PKP1: variants seen among roughly 807,000 people sequenced by gnomAD.
The protein encoded by PKP1 is plakophilin-1.
Under a neutral mutation model 76.4 loss-of-function variants are expected in PKP1, and 27 were observed. That is an observed-to-expected ratio of 0.35 (90% CI 0.26 to 0.49). The LOEUF is 0.49. Among genes scored for constraint, PKP1 ranks in the 20% least tolerant of loss-of-function variants. The probability of loss-of-function intolerance (pLI) is 0.99; values close to 1 mark genes in which losing one functional copy is unlikely to be tolerated. For synonymous variants in PKP1, 404 were observed against 384.2 expected, an observed-to-expected ratio of 1.05 and a Z score of -0.60; for missense variants, 964 against 955.2, an observed-to-expected ratio of 1.01 and a Z score of -0.12.
At chr1:201,319,877 G>A (rs147220754) in intron 6 of PKP1, 2 of 1,614,072 alleles carry the variant, frequency 1.2e-6, no homozygotes, top group African/African-American at 1.3e-5. Context: ...TAGTAGCAGG[G>A]TGTGAGCCTT....
At chr1:201,308,117 C>T (rs545076244) in intron 2 of PKP1, among the ~76,000 whole-genome samples, 1 of 152,358 alleles carries the variant, frequency 6.6e-6, no homozygotes, top group South Asian at 2.1e-4. Context: ...TCTCTGGGCT[C>T]AACCACCCAG....
chr1:201,331,441 GT>G lies in PKP1; in HGVS notation c.*1401del, dbSNP rs1480952541. ...CCGAGGGCCTTATGAGAAAACCTGTGTGGACATCCCTTGGTGTACACTAAGA... is the reference window on the plus strand; with the variant it reads ...CCGAGGGCCTTATGAGAAAACCTGTGGGACATCCCTTGGTGTACACTAAGA... On this transcript the variant is annotated 3_prime_UTR_variant, in exon 14 of 14. Coordinates refer to ENST00000367324, the MANE Select transcript of PKP1 (RefSeq NM_001005337.3). The G allele has an allele frequency of 6.6e-6, 1 of 152,442 alleles. No individual in the cohort carries two copies. Among genetic ancestry groups the G allele is most frequent in the Non-Finnish European group, 1.5e-5 (1 of 68,238 alleles). The allele number at this position is 152,442 out of a possible 1,614,324, so 9.4% of individuals were successfully genotyped here. A position where few individuals can be genotyped will look rare whatever the true frequency, so the allele number is the denominator to read the frequency against.
intron 1 of PKP1, among the ~76,000 whole-genome samples, chr1:201,286,625 C>T (rs927999717): frequency 2.6e-5 from 4 of 152,190 alleles, no homozygotes; most frequent in Admixed American, 2.0e-4. Flanking sequence ...ATGAAGGCCC[C>T]GGGCAGGAAG....
intron 2 of PKP1, among the ~76,000 whole-genome samples, chr1:201,312,151 T>C (rs2102172176): frequency 6.6e-6 from 1 of 152,326 alleles, no homozygotes; most frequent in South Asian, 2.1e-4. Flanking sequence ...GGCCCCTAGC[T>C]CACAGTCCCT....
chr1:201,290,656 A>G (rs1655890751), intron 1 of PKP1, among the ~76,000 whole-genome samples: 1 of 152,168 alleles, frequency 6.6e-6, no homozygotes, highest in East Asian at 1.9e-4. Context: ...GAGCACGTTC[A>G]CCACAAGGGT....
intron 13 of PKP1, 46 bp downstream of exon 13, chr1:201,328,914 C>A: frequency 8.9e-7 from 1 of 1,121,852 alleles, no homozygotes; most frequent in Non-Finnish European, 1.4e-6. Flanking sequence ...ACCACTGCAA[C>A]AGCCTCAGCC....
rs748173315 is a variant in PKP1, at chr1:201,313,402, G to A, written c.543G>A (p.Gln181=). 1.0e-4 allele frequency: 166 copies of A among 1,586,206 alleles called. 1 individual carries two copies. The African/African-American group carries it at 1.8e-3, about 17-fold the overall frequency. The part of the protein sequence containing the change: ...TLGSKGQKTT[Q]NRYSFYSTCS... ...GCAGCAAGGGCCAGAAGACCACCCA[G>A]AACCGCTACAGCTTTTACAGCACCT... The change falls in exon 3 of 14, where the codon CAG becomes CAA. Residue 181 remains glutamine, a synonymous_variant. Coordinates refer to ENST00000367324, the MANE Select transcript of PKP1 (RefSeq NM_001005337.3).
chr1:201,319,348 G>T (rs966481987), intron 6 of PKP1, among the ~76,000 whole-genome samples: 1 of 152,182 alleles, frequency 6.6e-6, no homozygotes, highest in Non-Finnish European at 1.5e-5. Context: ...AAATGGGTGG[G>T]TGTGGAGGGG....
Position 201,317,691 on chromosome 1 carries a change from G to A in PKP1, c.966G>A (p.Lys322=). ...TGGTGTTCAGGAGCACCACCAACAA[G>A]CTGGAGACCCGGAGGCAGAATGGGA... ...RNLVFRSTTN[K]LETRRQNGIR... The change falls in exon 5 of 14, where the codon AAG becomes AAA. Residue 322 remains lysine (K), a synonymous_variant. Transcript: ENST00000367324. 1 of 1,614,030 alleles carries A rather than the reference G, an allele frequency of 6.2e-7. No individual in the cohort carries two copies. Among genetic ancestry groups the A allele is most frequent in the Non-Finnish European group, 8.5e-7 (1 of 1,180,006 alleles).
chr1:201,324,280 C>A, intron 9 of PKP1, 148 bp from the exon 10 acceptor site: 1 of 780,182 alleles, frequency 1.3e-6, no homozygotes, highest in Non-Finnish European at 2.2e-6. Context: ...GCCTAGGTTT[C>A]TGTAGTTGCC....
intron 11 of PKP1, among the ~76,000 whole-genome samples, chr1:201,325,408 A>C (rs1459433386): frequency 2.6e-5 from 4 of 152,126 alleles, no homozygotes. Context: ...GGCCAGCAGG[A>C]GGCATGGGGC....
chr1:201,310,167 C>T (rs1438118034), intron 2 of PKP1, among the ~76,000 whole-genome samples: 2 of 152,200 alleles, frequency 1.3e-5, no homozygotes, highest in Non-Finnish European at 2.9e-5. Context: ...AGTCCTAAGG[C>T]AGCCAGCCTG....
rs1335340111 is a variant in PKP1, at chr1:201,328,790, C to T, written c.2135C>T (p.Thr712Ile). 4 of 1,614,178 alleles carry T rather than the reference C, an allele frequency of 2.5e-6. No individual in the cohort carries two copies. The highest frequency in any genetic ancestry group is 3.4e-6 in the Non-Finnish European group (4 of 1,180,006). ...GGTTTCGATAGGAACATGCTGGGAA[C>T]CTTAGCTGGGGCCAACAGCCTCAGG... is the stretch of plus-strand genomic sequence containing the variant. ...QQGFDRNMLG[T>I]LAGANSLRNF... Residue 712 changes from threonine (T) to isoleucine (I), a missense_variant, in exon 13 of 14, where the codon ACC becomes ATC. By Grantham distance (89) the Thr-to-Ile change is moderately conservative (BLOSUM62 -1). Transcript: ENST00000367324.
chr1:201,320,089 C>T (rs577520583), intron 6 of PKP1, 178 bp from the exon 7 acceptor site: 1 of 691,546 alleles, frequency 1.4e-6, no homozygotes, highest in East Asian at 2.7e-5. Context: ...TCCCTTTCCT[C>T]TTCTCCTTCC....
intron 12 of PKP1, among the ~76,000 whole-genome samples, chr1:201,328,006 C>T (rs984075884): frequency 6.6e-5 from 10 of 152,198 alleles, no homozygotes; most frequent in East Asian, 3.8e-4. Context: ...GGCTTCGAAC[C>T]GGCTGCTGTT....
chr1:201,294,817 T>C (rs1329823402), intron 2 of PKP1, among the ~76,000 whole-genome samples: 4 of 152,222 alleles, frequency 2.6e-5, no homozygotes, highest in Non-Finnish European at 4.4e-5. Flanking sequence ...ACTGAACAAA[T>C]ATTTATTGAG....
chr1:201,284,028 C>A, intron 1 of PKP1, 124 bp downstream of exon 1: 1 of 904,364 alleles, frequency 1.1e-6, no homozygotes, highest in East Asian at 2.6e-5. Context: ...CGGCCCCAGG[C>A]AGGGTCTACG....
intron 9 of PKP1, 80 bp downstream of exon 9, chr1:201,323,269 C>G (rs1329896919): frequency 5.1e-6 from 7 of 1,377,116 alleles, no homozygotes; most frequent in South Asian, 2.3e-5. Flanking sequence ...CCTTTTCCCC[C>G]CAGCCTGTCC....
In PKP1 at chr1:201,322,268, TG is replaced by T. The variant is rs111717255; in HGVS notation, c.1503+137del. ...AAGGGACAGGCCCATGCTGACACCT[TG>T]GCCTGGGGCTCAGGGTGCACTCTGG... On this transcript the variant is annotated intron_variant, in intron 8 of 13. Coordinates refer to ENST00000367324, the MANE Select transcript of PKP1 (RefSeq NM_001005337.3). 12 of 929,252 alleles carry T rather than the reference TG, an allele frequency of 1.3e-5. 1 individual carries two copies. The African/African-American group carries it at 1.3e-4, about 10-fold the overall frequency. 57.6% of individuals were successfully genotyped at this position (929,252 alleles called of 1,614,324 possible).
Sources: gnomAD v4.1 joint callset for allele counts (sites outside exome capture counted in the v4.1 genomes callset) on GRCh38, gnomAD v4.1.1 for gene constraint, MANE v1.5 for transcripts, NCBI Gene and HGNC (gene_info 2026-07-23, HGNC 2026-07-21) for gene names.